The following ZKSCAN1 variants were observed in gnomAD, a reference collection of about 807,000 sequenced individuals.
ZKSCAN1 encodes the protein zinc finger protein with KRAB and SCAN domains 1.
Under a neutral mutation model 51.6 loss-of-function variants are expected in ZKSCAN1, and 14 were observed. The observed-to-expected ratio is 0.27, with a 90% confidence interval of 0.18 to 0.42. ZKSCAN1 has a LOEUF of 0.42. Among genes scored for constraint, ZKSCAN1 ranks in the 10% least tolerant of loss-of-function variants. The pLI is 1.00. For synonymous variants in ZKSCAN1, 263 were observed against 261.5 expected (o/e 1.01, Z -0.06); for missense variants, 531 against 710.0 (o/e 0.75, Z 2.86).
At chr7:100,024,016 T>C in intron 2 of ZKSCAN1, 84 bp downstream of exon 2, 1 of 1,521,312 alleles carries the variant, frequency 6.6e-7, no homozygotes, top group Non-Finnish European at 8.8e-7. Context: ...AGGCTTTAGG[T>C]TATTAGGTGG....
In ZKSCAN1 at chr7:100,041,298, T is replaced by G. The variant is rs1791583087; in HGVS notation, c.*7101T>G. 1 of 984,872 alleles carries G rather than the reference T, an allele frequency of 1.0e-6. No individual in the cohort carries two copies. The highest frequency in any genetic ancestry group is 1.1e-4 in the East Asian group (1 of 8,824). The allele number at this position is 984,872 out of a possible 1,614,324, so 61.0% of individuals were successfully genotyped here. A position where few individuals can be genotyped will look rare whatever the true frequency, so the allele number is the denominator to read the frequency against. On this transcript the variant is annotated 3_prime_UTR_variant, in exon 6 of 6. Coordinates refer to ENST00000324306, the MANE Select transcript of ZKSCAN1 (RefSeq NM_003439.4). ...TTTACTAGGTTCCGAAGAGTCCAGATGCTTGGTAGATGTTCAATACGTGAT... is the reference window on the plus strand; with the variant it reads ...TTTACTAGGTTCCGAAGAGTCCAGAGGCTTGGTAGATGTTCAATACGTGAT...
chr7:100,037,182 T>C lies in ZKSCAN1; in HGVS notation c.*2985T>C. 1 of 985,456 alleles carries C rather than the reference T, an allele frequency of 1.0e-6. No individual in the cohort carries two copies. Among genetic ancestry groups the C allele is most frequent in the Non-Finnish European group, 1.2e-6 (1 of 829,928 alleles). 61.0% of individuals were successfully genotyped at this position (985,456 alleles called of 1,614,324 possible). ...ATCTAATTGGCGTTCAAGATAGTCA[T>C]TCAAAAGTTCTTGGCCCGCTGAAGT... is the stretch of plus-strand genomic sequence containing the variant. On this transcript the variant is annotated 3_prime_UTR_variant, in exon 6 of 6. Coordinates refer to ENST00000324306, the MANE Select transcript of ZKSCAN1 (RefSeq NM_003439.4).
At chr7:100,030,832 T>C (rs1791075676) in intron 5 of ZKSCAN1, among the ~76,000 whole-genome samples, 2 of 152,228 alleles carry the variant, frequency 1.3e-5, no homozygotes, top group Non-Finnish European at 2.9e-5. Flanking sequence ...TTCTGTCTTC[T>C]TCCATCCTGT....
downstream of ZKSCAN1, chr7:100,045,030 G>A (rs1286937131): frequency 2.1e-6 from 2 of 958,276 alleles, no homozygotes; most frequent in African/African-American, 3.5e-5. Flanking sequence ...ATGGAAGGAA[G>A]GTGCCAGAGA....
downstream of ZKSCAN1, among the ~76,000 whole-genome samples, chr7:100,045,258 T>C (rs60697181): frequency 0.27 from 41,345 of 150,606 alleles, 6,545 homozygotes; most frequent in Middle Eastern, 0.49. Flanking sequence ...TTTCAAAAAA[T>C]AGGTGCGGTG....
At position 100,036,720 on chromosome 7, in the gene ZKSCAN1, A is replaced by C. The variant is rs1179234758; in HGVS notation, c.*2523A>C. 1 of 984,312 alleles carries C rather than the reference A, an allele frequency of 1.0e-6. No individual in the cohort carries two copies. Among genetic ancestry groups the C allele is most frequent in the Admixed American group, 6.2e-5 (1 of 16,230 alleles). The allele number at this position is 984,312 out of a possible 1,614,324, so 61.0% of individuals were successfully genotyped here. A position where few individuals can be genotyped will look rare whatever the true frequency, so the allele number is the denominator to read the frequency against. On this transcript the variant is annotated 3_prime_UTR_variant, in exon 6 of 6. Coordinates refer to ENST00000324306, the MANE Select transcript of ZKSCAN1 (RefSeq NM_003439.4). Reference sequence around the variant, plus strand: ...TGACTAGCAAAACTCCATCTCAAAAAAAAAAAAAAGAAAGAAAGAAACTGA... The same window carrying C: ...TGACTAGCAAAACTCCATCTCAAAACAAAAAAAAAGAAAGAAAGAAACTGA...
intron 3 of ZKSCAN1, among the ~76,000 whole-genome samples, chr7:100,025,936 A>G (rs1349646893): frequency 6.6e-6 from 1 of 151,940 alleles, no homozygotes; most frequent in Non-Finnish European, 1.5e-5. Context: ...AAATACAAAA[A>G]TTGGCTGAGC....
intron 3 of ZKSCAN1, among the ~76,000 whole-genome samples, chr7:100,028,712 C>T (rs1206825450): frequency 6.7e-6 from 1 of 148,706 alleles, no homozygotes; most frequent in Non-Finnish European, 1.5e-5. Flanking sequence ...TTATTGTGAT[C>T]ACGTGATAAT....
In ZKSCAN1 at chr7:100,033,813, C is replaced by T. The variant is rs747425889; in HGVS notation, c.1308C>T (p.Asn436=). 7 of 1,614,086 alleles carry T rather than the reference C, an allele frequency of 4.3e-6. No individual in the cohort carries two copies. In the East Asian group the frequency reaches 6.7e-5, roughly 15 times the overall value. The change falls in exon 6 of 6, where the codon AAC becomes AAT. Residue 436 remains asparagine, a synonymous_variant. Transcript: ENST00000324306. The surrounding 1 kb of genome is among the most constrained non-coding windows in gnomAD (Gnocchi z 4.1). ...CAGGAGAGAAACCTCATGAATGTAA[C>T]GAGTGTGGCAAGGCCTTCAGCCACA... ...IHTGEKPHEC[N]ECGKAFSHSS...
chr7:100,045,050 A>G (rs995677528), downstream of ZKSCAN1: 20 of 894,134 alleles, frequency 2.2e-5, no homozygotes, highest in African/African-American at 3.6e-5. Context: ...ACAACACTAA[A>G]TGCTGGAATC....
At chr7:100,020,169 G>A (rs1210410544) in intron 1 of ZKSCAN1, among the ~76,000 whole-genome samples, 2 of 152,174 alleles carry the variant, frequency 1.3e-5, no homozygotes, top group Non-Finnish European at 2.9e-5. Flanking sequence ...GAGGCAAGTC[G>A]CGTTTTAGCT....
Position 100,038,718 on chromosome 7 carries a change from G to A in ZKSCAN1, c.*4521G>A. On this transcript the variant is annotated 3_prime_UTR_variant, in exon 6 of 6. Coordinates refer to ENST00000324306, the MANE Select transcript of ZKSCAN1 (RefSeq NM_003439.4). ...TGCTTAGAAAATTGAGGATAAGGCT[G>A]GGCACAGTGGCTCAGGCCTGTAATC... 1 of 985,460 alleles carries A rather than the reference G, an allele frequency of 1.0e-6. No homozygotes were observed. Among genetic ancestry groups the A allele is most frequent in the East Asian group, 1.1e-4 (1 of 8,822 alleles). 61.0% of individuals were successfully genotyped at this position (985,460 alleles called of 1,614,324 possible).
chr7:100,030,163 C>T, intron 4 of ZKSCAN1, 86 bp from the exon 5 acceptor site: 2 of 1,556,510 alleles, frequency 1.3e-6, no homozygotes, highest in Non-Finnish European at 8.7e-7. Flanking sequence ...AGCTTTGCAG[C>T]CACCTCTCTT....
At chr7:100,016,553 A>G (rs980529856) in intron 1 of ZKSCAN1, among the ~76,000 whole-genome samples, 1 of 152,212 alleles carries the variant, frequency 6.6e-6, no homozygotes, top group Non-Finnish European at 1.5e-5. Flanking sequence ...CGTCATCAAT[A>G]AAAACTAACT....
chr7:100,039,620 C>T lies in ZKSCAN1; in HGVS notation c.*5423C>T. On this transcript the variant is annotated 3_prime_UTR_variant, in exon 6 of 6. Transcript: ENST00000324306. ...TATTCCAGGTAGTCATGCTGATCTG[C>T]TTATCCAAAGCCAGCTAACCAGGTT... is the stretch of plus-strand genomic sequence containing the variant. 1.0e-6 allele frequency: 1 copy of T among 985,412 alleles called. No homozygotes were observed. Among genetic ancestry groups the T allele is most frequent in the South Asian group, 4.7e-5 (1 of 21,288 alleles). 61.0% of individuals were successfully genotyped at this position (985,412 alleles called of 1,614,324 possible).
chr7:100,024,132 A>G (rs762316729), intron 2 of ZKSCAN1, 22 bp from the exon 3 acceptor site: 1 of 1,599,926 alleles, frequency 6.3e-7, no homozygotes, highest in Non-Finnish European at 8.5e-7. Flanking sequence ...TTTACCCACA[A>G]GCCCAACCTG....
chr7:100,024,214 G>C lies in ZKSCAN1; in HGVS notation c.487G>C (p.Val163Leu), dbSNP rs142959093. ...AAGGGGGATGGTGCCTCTGGATCCAGTTCAGGAGTCCTCGAGCTTTGACCT... is the reference window on the plus strand; with the variant it reads ...AAGGGGGATGGTGCCTCTGGATCCACTTCAGGAGTCCTCGAGCTTTGACCT... Reference protein sequence around the residue: ...LARGMVPLDPVQESSSFDLHH... With the variant: ...LARGMVPLDPLQESSSFDLHH... Residue 163 changes from valine (V) to leucine (L), a missense_variant, in exon 3 of 6, where the codon GTT becomes CTT. Physicochemically the swap from Val to Leu is conservative, Grantham distance 32. Coordinates refer to ENST00000324306, the MANE Select transcript of ZKSCAN1 (RefSeq NM_003439.4). 1 of 1,614,140 alleles carries C rather than the reference G, an allele frequency of 6.2e-7. No individual in the cohort carries two copies. Among genetic ancestry groups the C allele is most frequent in the Non-Finnish European group, 8.5e-7 (1 of 1,180,040 alleles).
Position 100,040,673 on chromosome 7 carries a change from C to G in ZKSCAN1, c.*6476C>G. On this transcript the variant is annotated 3_prime_UTR_variant, in exon 6 of 6. Coordinates refer to ENST00000324306, the MANE Select transcript of ZKSCAN1 (RefSeq NM_003439.4). ...AGGAGAAGGGGGAAGAGGACGGTAA[C>G]GGCCCCACACTCCAGGCTGAGAAAG... 2.0e-6 allele frequency: 2 copies of G among 985,428 alleles called. No homozygotes were observed. Among genetic ancestry groups the G allele is most frequent in the Non-Finnish European group, 2.4e-6 (2 of 829,946 alleles). 61.0% of individuals were successfully genotyped at this position (985,428 alleles called of 1,614,324 possible).
intron 3 of ZKSCAN1, among the ~76,000 whole-genome samples, chr7:100,026,168 C>CA (rs932072277): frequency 3.5e-5 from 5 of 143,776 alleles, no homozygotes; most frequent in African/African-American, 1.3e-4. Flanking sequence ...TGCGGTGAGC[C>CA]AAAATCGCAC....
Sources: allele counts gnomAD v4.1 joint callset (sites outside exome capture counted in the v4.1 genomes callset), GRCh38; gene constraint gnomAD v4.1.1; non-coding constraint Gnocchi (gnomAD v3.1); transcripts MANE v1.5; gene names NCBI Gene and HGNC (gene_info 2026-07-23, HGNC 2026-07-21).